The following TSPAN18 variants were observed in gnomAD, a reference collection of about 807,000 sequenced individuals.
TSPAN18 encodes the protein tetraspanin 18.
Under a neutral mutation model 27.3 loss-of-function variants are expected in TSPAN18, and 14 were observed. The ratio of observed to expected loss-of-function variants is 0.51; its 90% CI spans 0.34 to 0.80. The LOEUF (loss-of-function observed/expected upper bound fraction) is 0.80, where lower values mean the gene tolerates loss of function less well. TSPAN18 is among the 30% of genes least tolerant of loss of function. The pLI, the probability that TSPAN18 is intolerant of heterozygous loss-of-function variation, is 0.01. For synonymous variants in TSPAN18, 143 were observed against 136.5 expected, an observed-to-expected ratio of 1.05 and a Z score of -0.33; for missense variants, 268 against 323.9, an observed-to-expected ratio of 0.83 and a Z score of 1.32.
At chr11:44,726,914 GA>G (rs1854523417), upstream of TSPAN18, 1 of 126,904 alleles carries the variant, frequency 7.9e-6, no homozygotes, top group Non-Finnish European at 1.7e-5. Context: ...CGGGGGAGGG[GA>G]GGGACGGACG....
chr11:44,845,382 A>T (rs984238707), intron 2 of TSPAN18, among the ~76,000 whole-genome samples: 1 of 152,256 alleles, frequency 6.6e-6, no homozygotes, highest in Non-Finnish European at 1.5e-5. Flanking sequence ...TGCTTAGCAC[A>T]GTATCTGGCA....
At chr11:44,917,937 C>T (rs1231758257) in intron 5 of TSPAN18, 35 bp from the exon 6 acceptor site, 5 of 1,610,898 alleles carry the variant, frequency 3.1e-6, no homozygotes, top group Non-Finnish European at 4.2e-6. Context: ...CCCTGCCTGC[C>T]CTCTGGGCTC....
chr11:44,800,765 G>A (rs1037732976), intron 2 of TSPAN18, among the ~76,000 whole-genome samples: 6 of 152,228 alleles, frequency 3.9e-5, no homozygotes, highest in Admixed American at 2.0e-4. Flanking sequence ...TTGGGGACAG[G>A]TGGGGGCAGG....
At chr11:44,867,169 C>T (rs1003908296) in intron 3 of TSPAN18, among the ~76,000 whole-genome samples, 2 of 152,192 alleles carry the variant, frequency 1.3e-5, no homozygotes, top group South Asian at 4.1e-4. Flanking sequence ...TTCAGACCTC[C>T]ACTCCAGACC....
chr11:44,910,050 C>A, intron 5 of TSPAN18, 151 bp downstream of exon 5: 1 of 890,664 alleles, frequency 1.1e-6, no homozygotes, highest in Non-Finnish European at 1.6e-6. Flanking sequence ...TGGAGATGAG[C>A]ACGTCTGACC....
chr11:44,848,200 G>A (rs1003304697), intron 2 of TSPAN18, among the ~76,000 whole-genome samples: 8 of 152,168 alleles, frequency 5.3e-5, no homozygotes, highest in African/African-American at 1.7e-4. Context: ...GGAGGATGAG[G>A]GGCAGGGGTC....
chr11:44,869,381 T>C (rs1858129376), intron 3 of TSPAN18, among the ~76,000 whole-genome samples: 1 of 152,188 alleles, frequency 6.6e-6, no homozygotes, highest in East Asian at 1.9e-4. Flanking sequence ...CTTCTAGAGC[T>C]CTGGTTTCCT....
At position 44,910,013 on chromosome 11, in the gene TSPAN18, G is replaced by A. The variant is rs570699908; in HGVS notation, c.258+114G>A. 3.8e-6 allele frequency: 5 copies of A among 1,304,902 alleles called. No homozygotes were observed. In the African/African-American group the frequency reaches 7.4e-5, roughly 19 times the overall value. 80.8% of individuals were successfully genotyped at this position (1,304,902 alleles called of 1,614,324 possible). A position where few individuals can be genotyped will look rare whatever the true frequency, so the allele number is the denominator to read the frequency against. ...TTCAGACCAGTGCTTCCCAAACTGG[G>A]GCGGGCTGTCAAAGCAGAAGGGATC... is the stretch of plus-strand genomic sequence containing the variant. On this transcript the variant is annotated intron_variant, in intron 5 of 9. Transcript: ENST00000520358.
intron 1 of TSPAN18, among the ~76,000 whole-genome samples, chr11:44,730,933 CT>C: frequency 6.6e-6 from 1 of 152,240 alleles, no homozygotes; most frequent in Non-Finnish European, 1.5e-5. Context: ...TTTTGAAACA[CT>C]TTTTATAAAG....
chr11:44,890,572 A>C (rs992212885), intron 3 of TSPAN18, among the ~76,000 whole-genome samples: 5 of 152,000 alleles, frequency 3.3e-5, no homozygotes, highest in Middle Eastern at 3.2e-3. Flanking sequence ...AAATACAAAA[A>C]ATTAGCTGGG....
intron 5 of TSPAN18, 27 bp from the exon 6 acceptor site, chr11:44,917,945 C>G (rs760184491): frequency 3.2e-5 from 52 of 1,613,178 alleles, no homozygotes; most frequent in Non-Finnish European, 4.2e-5. Context: ...GCCCTCTGGG[C>G]TCACAAGGCT....
intron 8 of TSPAN18, among the ~76,000 whole-genome samples, chr11:44,925,101 C>T (rs11038219): frequency 0.15 from 22,263 of 152,160 alleles, 1,684 homozygotes; most frequent in African/African-American, 0.18. Context: ...AACTGGGCTC[C>T]CAGTGCCACA....
chr11:44,729,259 G>T (rs916687870), intron 1 of TSPAN18, among the ~76,000 whole-genome samples: 4 of 152,078 alleles, frequency 2.6e-5, no homozygotes, highest in Admixed American at 6.5e-5. Context: ...GAAAACAAAA[G>T]AAGTTTTTTT....
intron 2 of TSPAN18, among the ~76,000 whole-genome samples, chr11:44,837,472 G>T (rs1462306961): frequency 6.6e-6 from 1 of 152,202 alleles, no homozygotes; most frequent in Admixed American, 6.5e-5. Flanking sequence ...TTTAAACATT[G>T]TTAAAATAAC....
chr11:44,782,796 A>T (rs1274881416), intron 2 of TSPAN18, among the ~76,000 whole-genome samples: 2 of 152,180 alleles, frequency 1.3e-5, no homozygotes, highest in African/African-American at 4.8e-5. Context: ...GCTTATTGTC[A>T]TTTGAACACT....
chr11:44,881,194 G>A (rs1858480085), intron 3 of TSPAN18, among the ~76,000 whole-genome samples: 1 of 152,206 alleles, frequency 6.6e-6, no homozygotes, highest in African/African-American at 2.4e-5. Flanking sequence ...TACAGGAATG[G>A]ATAACCATGT....
chr11:44,731,761 C>T (rs1854667248), intron 1 of TSPAN18, among the ~76,000 whole-genome samples: 2 of 152,066 alleles, frequency 1.3e-5, no homozygotes, highest in Middle Eastern at 3.2e-3. Flanking sequence ...TGACTAGGCT[C>T]ATGGTAGCCC....
At chr11:44,872,196 G>A (rs1158022972) in intron 3 of TSPAN18, among the ~76,000 whole-genome samples, 1 of 152,096 alleles carries the variant, frequency 6.6e-6, no homozygotes. Flanking sequence ...CTCCCAAAGT[G>A]CTAGGATTAC....
intron 2 of TSPAN18, among the ~76,000 whole-genome samples, chr11:44,825,034 T>C (rs1857006384): frequency 6.6e-6 from 1 of 152,146 alleles, no homozygotes; most frequent in Non-Finnish European, 1.5e-5. Context: ...GGCATGAAGC[T>C]GTGCCAGTGC....
Sources: allele counts gnomAD v4.1 joint callset (sites outside exome capture counted in the v4.1 genomes callset), GRCh38; gene constraint gnomAD v4.1.1; transcripts MANE v1.5; gene names NCBI Gene and HGNC (gene_info 2026-07-23, HGNC 2026-07-21).